The following RAB11FIP4 variants were observed in gnomAD, a reference collection of about 807,000 sequenced individuals.
RAB11FIP4 encodes rab11 family-interacting protein 4.
A neutral mutation model predicts 74.3 loss-of-function variants in RAB11FIP4; 23 were observed. That is an observed-to-expected ratio of 0.31 (90% CI 0.22 to 0.44). RAB11FIP4 has a LOEUF of 0.44. Ranked by LOEUF, RAB11FIP4 falls within the 20% of genes least tolerant of loss-of-function variation. The pLI, the probability that RAB11FIP4 is intolerant of heterozygous loss-of-function variation, is 1.00. For missense variants in RAB11FIP4, 630 were observed against 863.9 expected, an observed-to-expected ratio of 0.73 and a Z score of 3.39; for synonymous variants, 360 against 359.9, an observed-to-expected ratio of 1.00 and a Z score of 0.00.
chr17:31,440,741 C>T (rs1045283856), intron 3 of RAB11FIP4, among the ~76,000 whole-genome samples: 4 of 152,186 alleles, frequency 2.6e-5, no homozygotes, highest in African/African-American at 9.6e-5. Flanking sequence ...TGCGCTTAAG[C>T]CTTGGCGACA....
chr17:31,470,683 A>G (rs570388654), intron 3 of RAB11FIP4, among the ~76,000 whole-genome samples: 198 of 152,362 alleles, frequency 1.3e-3, no homozygotes, highest in African/African-American at 4.5e-3. Flanking sequence ...TGCTAGGTGC[A>G]TGAAGCCAGT....
chr17:31,485,450 G>A (rs1232183576), intron 3 of RAB11FIP4, among the ~76,000 whole-genome samples: 11 of 152,186 alleles, frequency 7.2e-5, no homozygotes, highest in Non-Finnish European at 1.2e-4. Context: ...CTCTGGGAGA[G>A]AGTCACGACC....
At chr17:31,498,473 A>G (rs1188118116) in intron 3 of RAB11FIP4, among the ~76,000 whole-genome samples, 3 of 152,178 alleles carry the variant, frequency 2.0e-5, no homozygotes, top group Non-Finnish European at 4.4e-5. Context: ...TATAAAAACC[A>G]AGGGCTCTGG....
At chr17:31,440,428 T>C (rs1597917951) in intron 3 of RAB11FIP4, among the ~76,000 whole-genome samples, 1 of 152,246 alleles carries the variant, frequency 6.6e-6, no homozygotes, top group Admixed American at 6.5e-5. Context: ...CTCTTGTTTA[T>C]AGTTTGATAT....
intron 3 of RAB11FIP4, among the ~76,000 whole-genome samples, chr17:31,453,818 GA>G (rs2071550632): frequency 1.2e-4 from 18 of 144,482 alleles, no homozygotes; most frequent in African/African-American, 4.6e-4. Flanking sequence ...AAAAAAGAAA[GA>G]AAAGAAAAGA....
intron 1 of RAB11FIP4, among the ~76,000 whole-genome samples, chr17:31,418,885 C>T (rs1364385646): frequency 2.0e-5 from 3 of 152,134 alleles, no homozygotes; most frequent in African/African-American, 7.2e-5. Flanking sequence ...TCCTGTGACT[C>T]CCACTGCCAT....
At position 31,523,614 on chromosome 17, in the gene RAB11FIP4, G is replaced by A. The variant is rs751016134; in HGVS notation, c.1029+3G>A. ...GCGACAATGACATCACAGAGAAGGT[G>A]GGCCTTGGGTGGCTGGAGAAGGGAC... On this transcript the variant is annotated splice_donor_region_variant and intron_variant, in intron 8 of 14. Transcript: ENST00000621161. The A allele has an allele frequency of 2.5e-6, 4 of 1,613,304 alleles. No homozygotes were observed. Among genetic ancestry groups the A allele is most frequent in the East Asian group, 2.2e-5 (1 of 44,870 alleles).
At chr17:31,446,624 A>G (rs1246558689) in intron 3 of RAB11FIP4, among the ~76,000 whole-genome samples, 2 of 151,814 alleles carry the variant, frequency 1.3e-5, no homozygotes, top group Non-Finnish European at 2.9e-5. Context: ...GAGAGGGGCA[A>G]TCTCAAGAGA....
intron 13 of RAB11FIP4, 61 bp downstream of exon 13, chr17:31,528,839 CCTGTGCAGGAT>C: frequency 6.5e-7 from 1 of 1,544,262 alleles, no homozygotes; most frequent in Non-Finnish European, 8.8e-7. Context: ...ACGTGGGTTT[CCTGTGCAGGAT>C]CTGTGGTAGG....
At chr17:31,506,315 C>G (rs1053964051) in intron 3 of RAB11FIP4, among the ~76,000 whole-genome samples, 3 of 152,204 alleles carry the variant, frequency 2.0e-5, no homozygotes, top group Admixed American at 6.5e-5. Context: ...TGTTTTGATA[C>G]ACATGTGTAT....
At position 31,455,913 on chromosome 17, in the gene RAB11FIP4, C is replaced by T. The variant is rs570125169; in HGVS notation, c.336+21791C>T. Among the ~76,000 whole-genome samples the T allele has an allele frequency of 7.2e-5, 11 of 152,274 alleles. No homozygotes were observed. The South Asian group carries it at 2.1e-3, about 29-fold the overall frequency. On this transcript the variant is annotated intron_variant, in intron 3 of 14. Transcript: ENST00000621161. ...ACGCTCCCAAGGCAGCTGCACTCAC[C>T]CTCCGCTGAGAGTGCCATCCTGGGC...
intron 1 of RAB11FIP4, among the ~76,000 whole-genome samples, chr17:31,414,245 T>C (rs2071126618): frequency 7.6e-6 from 1 of 131,806 alleles, no homozygotes; most frequent in African/African-American, 2.6e-5. Flanking sequence ...GTATTAACAG[T>C]CACCTACACA....
intron 3 of RAB11FIP4, among the ~76,000 whole-genome samples, chr17:31,505,671 CATA>C (rs1212455703): frequency 1.4e-5 from 1 of 70,962 alleles, no homozygotes; most frequent in African/African-American, 4.5e-5. Context: ...TTATATAATA[CATA>C]ATTATTATAA....
intron 1 of RAB11FIP4, among the ~76,000 whole-genome samples, chr17:31,420,465 T>C (rs2071188217): frequency 2.0e-5 from 3 of 152,132 alleles, no homozygotes; most frequent in Non-Finnish European, 4.4e-5. Context: ...ATGCCTGGTC[T>C]CAAGCGATCC....
chr17:31,403,171 T>C (rs1237006463), intron 1 of RAB11FIP4, among the ~76,000 whole-genome samples: 1 of 141,728 alleles, frequency 7.1e-6, no homozygotes, highest in African/African-American at 2.6e-5. Context: ...GACCCCTTTC[T>C]CTGCCCAGTA....
intron 3 of RAB11FIP4, among the ~76,000 whole-genome samples, chr17:31,490,686 G>T (rs564842121): frequency 6.6e-6 from 1 of 152,202 alleles, no homozygotes; most frequent in Admixed American, 6.5e-5. Context: ...GTCTCAGCTG[G>T]GACTACAGGT....
chr17:31,522,802 C>T (rs141075426), intron 7 of RAB11FIP4: 2 of 209,512 alleles, frequency 9.5e-6, no homozygotes, highest in East Asian at 2.4e-4. Context: ...GGTCACTTTG[C>T]TCCGATTAAG....
chr17:31,462,292 A>C (rs912360226), intron 3 of RAB11FIP4, among the ~76,000 whole-genome samples: 1 of 150,896 alleles, frequency 6.6e-6, no homozygotes, highest in African/African-American at 2.5e-5. Flanking sequence ...AAAAAAAAAA[A>C]CAGGGCCTAG....
At chr17:31,460,423 T>C (rs2071623490) in intron 3 of RAB11FIP4, among the ~76,000 whole-genome samples, 1 of 152,164 alleles carries the variant, frequency 6.6e-6, no homozygotes, top group African/African-American at 2.4e-5. Context: ...TCTCTGAACG[T>C]TGTTTTCTTT....
Sources: allele counts gnomAD v4.1 joint callset (sites outside exome capture counted in the v4.1 genomes callset), GRCh38; gene constraint gnomAD v4.1.1; transcripts MANE v1.5; gene names NCBI Gene and HGNC (gene_info 2026-07-23, HGNC 2026-07-21).